ZNF536: variants seen among roughly 807,000 people sequenced by gnomAD.
ZNF536 encodes the protein zinc finger protein 536.
Under a neutral mutation model 84.5 loss-of-function variants are expected in ZNF536, and 13 were observed. That is an observed-to-expected ratio of 0.15 (90% CI 0.10 to 0.24). The LOEUF (loss-of-function observed/expected upper bound fraction) is 0.24, where lower values mean the gene tolerates loss of function less well. Ranked by LOEUF, ZNF536 falls within the 10% of genes least tolerant of loss-of-function variation. ZNF536 has a pLI of 1.00. For missense variants in ZNF536, 1,536 were observed against 1,747.5 expected (o/e 0.88, Z 2.16); for synonymous variants, 811 against 742.5 (o/e 1.09, Z -1.50).
chr19:30,456,628 A>G (rs1415013039), intron 2 of ZNF536, among the ~76,000 whole-genome samples: 2 of 152,148 alleles, frequency 1.3e-5, no homozygotes, highest in Non-Finnish European at 2.9e-5. Context: ...TTATTTGTTC[A>G]TTCATAAATA....
intron 1 of ZNF536, among the ~76,000 whole-genome samples, chr19:30,383,793 CTT>C (rs2049163178): frequency 1.4e-5 from 2 of 142,720 alleles, no homozygotes; most frequent in South Asian, 2.3e-4. Context: ...TCTTTCTTTT[CTT>C]TCTTTTCTCT....
intron 1 of ZNF536, among the ~76,000 whole-genome samples, chr19:30,384,784 TG>T (rs2049270398): frequency 1.3e-5 from 2 of 152,112 alleles, no homozygotes; most frequent in Admixed American, 1.3e-4. Flanking sequence ...CTCAGTGCTT[TG>T]GGAGGCCAAG....
chr19:30,598,071 A>T (rs1274740442), intron 1 of ZNF536, among the ~76,000 whole-genome samples: 4 of 152,220 alleles, frequency 2.6e-5, no homozygotes, highest in African/African-American at 9.6e-5. Context: ...AGAGCAACAG[A>T]CACAGAGTAG....
chr19:30,437,124 A>G (rs924418036), intron 1 of ZNF536, among the ~76,000 whole-genome samples: 1 of 152,112 alleles, frequency 6.6e-6, no homozygotes, highest in Admixed American at 6.5e-5. Flanking sequence ...TACTGGCAAG[A>G]TCTATATTTT....
intron 1 of ZNF536, among the ~76,000 whole-genome samples, chr19:30,392,519 A>G (rs1223966760): frequency 1.3e-5 from 2 of 152,272 alleles, no homozygotes; most frequent in East Asian, 1.9e-4. Flanking sequence ...CCGAGCTGCC[A>G]ACTCCTGAAT....
At chr19:30,426,712 G>A (rs1000222170) in intron 1 of ZNF536, among the ~76,000 whole-genome samples, 1 of 152,176 alleles carries the variant, frequency 6.6e-6, no homozygotes, top group East Asian at 1.9e-4. Flanking sequence ...GGACCCCAGG[G>A]TTGGTTCCTA....
At chr19:30,601,054 G>A (rs1189723600) in intron 1 of ZNF536, among the ~76,000 whole-genome samples, 1 of 152,234 alleles carries the variant, frequency 6.6e-6, no homozygotes, top group African/African-American at 2.4e-5. Flanking sequence ...TTAGTGCTAA[G>A]CCAGAAGTGG....
At chr19:30,264,380 C>A (rs1478163218) in intron 1 of ZNF536, among the ~76,000 whole-genome samples, 3 of 136,820 alleles carry the variant, frequency 2.2e-5, no homozygotes, top group Non-Finnish European at 4.7e-5. Flanking sequence ...GCCCCCGCCC[C>A]CCGCAGTTGT....
intron 2 of ZNF536, chr19:30,300,366 C>T (rs1271834580): frequency 6.6e-6 from 1 of 152,182 alleles, no homozygotes; most frequent in Non-Finnish European, 1.5e-5. Flanking sequence ...CTCCAGGAGC[C>T]TTCCTGTCCT....
chr19:30,458,199 G>A (rs887717271), intron 2 of ZNF536, among the ~76,000 whole-genome samples: 11 of 152,280 alleles, frequency 7.2e-5, no homozygotes, highest in African/African-American at 2.4e-4. Flanking sequence ...TGGGCAGCTC[G>A]CTTTCCTTCT....
chr19:30,528,336 A>T (rs1010043019), intron 2 of ZNF536, among the ~76,000 whole-genome samples: 12 of 152,130 alleles, frequency 7.9e-5, no homozygotes, highest in African/African-American at 2.9e-4. Flanking sequence ...CATGCAATAT[A>T]AGAAGAAGTC....
chr19:30,304,389 C>G (rs1018707923), intron 2 of ZNF536, among the ~76,000 whole-genome samples: 2 of 152,180 alleles, frequency 1.3e-5, no homozygotes, highest in Non-Finnish European at 2.9e-5. Flanking sequence ...TTGAGCCTTC[C>G]AGAAGCCTTT....
intron 1 of ZNF536, among the ~76,000 whole-genome samples, chr19:30,236,137 T>A (rs1205011638): frequency 2.6e-5 from 4 of 152,226 alleles, no homozygotes; most frequent in African/African-American, 9.6e-5. Context: ...CATGCCGGCA[T>A]GAAAGGATTT....
intron 2 of ZNF536, among the ~76,000 whole-genome samples, chr19:30,498,759 G>T (rs1309908735): frequency 1.3e-5 from 2 of 152,120 alleles, no homozygotes; most frequent in Non-Finnish European, 2.9e-5. Flanking sequence ...TCTGGGTGAG[G>T]TGACTGCGTG....
intron 2 of ZNF536, among the ~76,000 whole-genome samples, chr19:30,337,027 C>A (rs950304563): frequency 6.6e-5 from 10 of 151,790 alleles, no homozygotes; most frequent in African/African-American, 1.9e-4. Flanking sequence ...AGGTCTCCTG[C>A]AACATGGGCT....
intron 2 of ZNF536, among the ~76,000 whole-genome samples, chr19:30,485,300 T>A (rs1214954592): frequency 6.6e-6 from 1 of 152,186 alleles, no homozygotes; most frequent in East Asian, 1.9e-4. Context: ...ACAGCTTTAT[T>A]GAGATATAAT....
intron 2 of ZNF536, among the ~76,000 whole-genome samples, chr19:30,314,673 T>C (rs1021312147): frequency 4.6e-5 from 7 of 152,154 alleles, no homozygotes; most frequent in African/African-American, 1.7e-4. Context: ...CCCGGCTCGC[T>C]GGGGAGGTCC....
intron 1 of ZNF536, among the ~76,000 whole-genome samples, chr19:30,697,850 G>A (rs748120366): frequency 2.6e-5 from 4 of 152,214 alleles, no homozygotes; most frequent in Non-Finnish European, 4.4e-5. Flanking sequence ...CAGAAGTTAA[G>A]TATTACCTGT....
chr19:30,499,480 CTATATG>C (rs1382314337), intron 2 of ZNF536, among the ~76,000 whole-genome samples: 1 of 152,040 alleles, frequency 6.6e-6, no homozygotes, highest in Non-Finnish European at 1.5e-5. Flanking sequence ...ATGTAGGTAT[CTATATG>C]TATATCTACC....
Sources: allele counts gnomAD v4.1 joint callset (sites outside exome capture counted in the v4.1 genomes callset), GRCh38; gene constraint gnomAD v4.1.1; transcripts MANE v1.5; gene names NCBI Gene and HGNC (gene_info 2026-07-23, HGNC 2026-07-21).